Variants in TENM2 observed in about 807,000 individuals in gnomAD.
The protein encoded by TENM2 is teneurin-2.
Under a neutral mutation model 245.2 loss-of-function variants are expected in TENM2, and 52 were observed. That is an observed-to-expected ratio of 0.21 (90% CI 0.17 to 0.27). The LOEUF (loss-of-function observed/expected upper bound fraction) is 0.27. TENM2 is among the 10% of genes least tolerant of loss of function. The pLI, the probability that TENM2 is intolerant of heterozygous loss-of-function variation, is 1.00. For missense variants in TENM2, 3,046 were observed against 3,666.8 expected (o/e 0.83, Z 4.37); for synonymous variants, 1,363 against 1,438.9 (o/e 0.95, Z 1.19).
At chr5:167,773,692 G>T (rs1024252748) in intron 2 of TENM2, among the ~76,000 whole-genome samples, 2 of 152,050 alleles carry the variant, frequency 1.3e-5, no homozygotes, top group Non-Finnish European at 2.9e-5. Flanking sequence ...ATGGCAAGGA[G>T]TATTAGACAA....
intron 2 of TENM2, among the ~76,000 whole-genome samples, chr5:167,699,488 C>G (rs1312456116): frequency 6.6e-6 from 1 of 152,130 alleles, no homozygotes; most frequent in Non-Finnish European, 1.5e-5. Flanking sequence ...TTTCCACATC[C>G]CCAAGTCTTA....
At chr5:167,102,821 G>C in the TENM2 span, among the ~76,000 whole-genome samples, 1 of 152,170 alleles carries the variant, frequency 6.6e-6, no homozygotes, top group Non-Finnish European at 1.5e-5. Flanking sequence ...ACTTTGCCCA[G>C]TTAAATTTTG....
chr5:167,024,163 A>G, the TENM2 span, among the ~76,000 whole-genome samples: 2 of 152,354 alleles, frequency 1.3e-5, no homozygotes, highest in African/African-American at 4.8e-5. Context: ...GATTTACCAA[A>G]AGTGAGTGTT....
At chr5:167,393,716 T>C (rs1299080497) in intron 2 of TENM2, among the ~76,000 whole-genome samples, 1 of 152,156 alleles carries the variant, frequency 6.6e-6, no homozygotes, top group African/African-American at 2.4e-5. Flanking sequence ...ACTTCCCATG[T>C]AAAAGGATAG....
the TENM2 span, among the ~76,000 whole-genome samples, chr5:167,040,520 T>C: frequency 2.0e-5 from 3 of 151,972 alleles, no homozygotes; most frequent in South Asian, 6.2e-4. Flanking sequence ...CCAGAGTTCC[T>C]GTGAGATGAC....
intron 12 of TENM2, among the ~76,000 whole-genome samples, chr5:168,132,893 T>G (rs967751472): frequency 2.0e-5 from 3 of 152,212 alleles, no homozygotes; most frequent in Non-Finnish European, 1.5e-5. Context: ...ACAAAGTGGT[T>G]CCTGGAGAGC....
chr5:167,739,532 A>G (rs1761030658), intron 2 of TENM2, among the ~76,000 whole-genome samples: 2 of 152,128 alleles, frequency 1.3e-5, no homozygotes, highest in African/African-American at 2.4e-5. Flanking sequence ...CCTAAATGGG[A>G]AAAAAGCCAG....
At chr5:167,562,162 G>A (rs1418028847) in intron 2 of TENM2, among the ~76,000 whole-genome samples, 2 of 152,150 alleles carry the variant, frequency 1.3e-5, no homozygotes, top group Non-Finnish European at 2.9e-5. Context: ...GGAGCGTGAG[G>A]CTGCGATGGC....
intron 2 of TENM2, among the ~76,000 whole-genome samples, chr5:167,857,593 A>G (rs530040980): frequency 1.3e-5 from 2 of 152,140 alleles, no homozygotes; most frequent in Admixed American, 1.3e-4. Flanking sequence ...TGCATATACT[A>G]TTTGTTCATG....
intron 19 of TENM2, among the ~76,000 whole-genome samples, chr5:168,210,136 G>A (rs958504512): frequency 7.9e-5 from 12 of 152,242 alleles, no homozygotes; most frequent in Admixed American, 4.6e-4. Context: ...AGACTGACTC[G>A]GTGATGCTGT....
At chr5:167,764,143 A>T (rs1056327247) in intron 2 of TENM2, among the ~76,000 whole-genome samples, 21 of 152,100 alleles carry the variant, frequency 1.4e-4, no homozygotes, top group African/African-American at 4.3e-4. Context: ...GAGAAAAAAA[A>T]ATATATTGTT....
At chr5:167,821,442 A>G (rs951185622) in intron 2 of TENM2, among the ~76,000 whole-genome samples, 1 of 152,116 alleles carries the variant, frequency 6.6e-6, no homozygotes, top group African/African-American at 2.4e-5. Flanking sequence ...GACAAGTTTG[A>G]TTGGGAAGGA....
intron 2 of TENM2, among the ~76,000 whole-genome samples, chr5:167,866,577 A>C (rs1222047902): frequency 6.6e-6 from 1 of 151,884 alleles, no homozygotes; most frequent in East Asian, 1.9e-4. Flanking sequence ...GGAGAGAATG[A>C]TTCATATTCA....
intron 1 of TENM2, among the ~76,000 whole-genome samples, chr5:167,346,342 C>T (rs1758456969): frequency 6.6e-6 from 1 of 152,210 alleles, no homozygotes; most frequent in Admixed American, 6.5e-5. Context: ...CCTATTCATA[C>T]ACGGAGCTGC....
the TENM2 span, among the ~76,000 whole-genome samples, chr5:167,019,001 C>G: frequency 2.0e-5 from 3 of 152,128 alleles, no homozygotes; most frequent in Admixed American, 1.3e-4. Context: ...AAAATCTTGC[C>G]TAAATTAGAT....
the TENM2 span, among the ~76,000 whole-genome samples, chr5:167,175,501 T>A: frequency 6.6e-6 from 1 of 152,280 alleles, no homozygotes; most frequent in Non-Finnish European, 1.5e-5. Context: ...GGACTTGAAA[T>A]GTGAATCTTT....
At chr5:167,933,370 C>G (rs1488686471) in intron 3 of TENM2, among the ~76,000 whole-genome samples, 1 of 151,974 alleles carries the variant, frequency 6.6e-6, no homozygotes, top group Non-Finnish European at 1.5e-5. Flanking sequence ...CTAGAAACAG[C>G]CCAAAGATTG....
chr5:167,398,865 G>T (rs1762219714), intron 2 of TENM2, among the ~76,000 whole-genome samples: 1 of 152,080 alleles, frequency 6.6e-6, no homozygotes, highest in Non-Finnish European at 1.5e-5. Context: ...ATTATTTTTG[G>T]TGTTACTGTT....
chr5:167,218,433 A>C, the TENM2 span, among the ~76,000 whole-genome samples: 2 of 152,224 alleles, frequency 1.3e-5, no homozygotes, highest in South Asian at 2.1e-4. Flanking sequence ...AGGCTCAAAA[A>C]GTTTTTGTGT....
Sources: gnomAD v4.1 joint callset for allele counts (sites outside exome capture counted in the v4.1 genomes callset) on GRCh38, gnomAD v4.1.1 for gene constraint, MANE v1.5 for transcripts, NCBI Gene and HGNC (gene_info 2026-07-23, HGNC 2026-07-21) for gene names.